The following ABCB10 variants were observed in gnomAD, a reference collection of about 807,000 sequenced individuals.
ABCB10 encodes ATP binding cassette subfamily B member 10.
Under a neutral mutation model 65.4 loss-of-function variants are expected in ABCB10, and 54 were observed. The observed-to-expected ratio is 0.83, with a 90% CI of 0.66 to 1.04. The LOEUF is 1.04. Ranked by LOEUF, ABCB10 falls within the 50% of genes least tolerant of loss-of-function variation. The pLI, the probability that ABCB10 is intolerant of heterozygous loss-of-function variation, is 0.00. For synonymous variants in ABCB10, 418 were observed against 406.5 expected (o/e 1.03, Z -0.34); for missense variants, 846 against 976.6 (o/e 0.87, Z 1.78).
chr1:229,532,205 G>A (rs1328520883), intron 6 of ABCB10, among the ~76,000 whole-genome samples: 1 of 152,112 alleles, frequency 6.6e-6, no homozygotes, highest in African/African-American at 2.4e-5. Context: ...ACCCGCCTCA[G>A]CCTCCCAAAG....
At chr1:229,521,161 A>G (rs111501485) in intron 11 of ABCB10, among the ~76,000 whole-genome samples, 391 of 152,298 alleles carry the variant, frequency 2.6e-3, no homozygotes, top group African/African-American at 9.0e-3. Flanking sequence ...CCCGCCTTTC[A>G]GCTAAAATGG....
chr1:229,556,200 ACT>A (rs1379666621), intron 1 of ABCB10, among the ~76,000 whole-genome samples: 1 of 152,000 alleles, frequency 6.6e-6, no homozygotes, highest in African/African-American at 2.4e-5. Context: ...ACATGGAGAA[ACT>A]CTGTCTCCAA....
At position 229,541,288 on chromosome 1, in the gene ABCB10, G is replaced by A. The variant is rs539703559; in HGVS notation, c.1057-536C>T. Among the ~76,000 whole-genome samples, 7 of 152,140 alleles carry A rather than the reference G, an allele frequency of 4.6e-5. No homozygotes were observed. The South Asian group carries it at 1.0e-3, about 23-fold the overall frequency. On this transcript the variant is annotated intron_variant, in intron 4 of 12. Coordinates refer to ENST00000344517, the MANE Select transcript of ABCB10 (RefSeq NM_012089.3). ...GTCACCCAGGCTGGAGTGCAATGGC[G>A]CAATCTCGGCTTACTGCAACCTCCA...
intron 1 of ABCB10, among the ~76,000 whole-genome samples, chr1:229,555,123 C>G (rs1663214720): frequency 6.6e-6 from 1 of 152,168 alleles, no homozygotes. Context: ...ATGCTGCCCA[C>G]CCCGCCGAAG....
rs905886773 is a variant in ABCB10, at chr1:229,517,662, T to C, written c.*517A>G. 3.3e-5 allele frequency: 5 copies of C among 153,680 alleles called. No individual in the cohort carries two copies. The highest frequency in any genetic ancestry group is 9.6e-5 in the African/African-American group (4 of 41,468). The allele number at this position is 153,680 out of a possible 1,614,324, so 9.5% of individuals were successfully genotyped here. A position where few individuals can be genotyped will look rare whatever the true frequency, so the allele number is the denominator to read the frequency against. ...TAAATGTTCCCTTCTTTCCAGCTGA[T>C]GTTAAATAGTTAGGTTTGCTTCATG... On this transcript the variant is annotated 3_prime_UTR_variant, in exon 13 of 13. Transcript: ENST00000344517.
chr1:229,530,791 C>A (rs1303085892), intron 7 of ABCB10, among the ~76,000 whole-genome samples: 3 of 152,200 alleles, frequency 2.0e-5, no homozygotes. Context: ...TCTCTCTATG[C>A]CACTGCCTCT....
intron 4 of ABCB10, among the ~76,000 whole-genome samples, chr1:229,541,572 A>G (rs1158389859): frequency 6.6e-6 from 1 of 152,174 alleles, no homozygotes; most frequent in East Asian, 1.9e-4. Flanking sequence ...CTGCAAAGCT[A>G]GATTTATTAA....
intron 9 of ABCB10, 83 bp from the exon 10 acceptor site, chr1:229,526,199 T>A (rs1558119629): frequency 2.2e-6 from 3 of 1,371,466 alleles, no homozygotes; most frequent in African/African-American, 2.9e-5. Context: ...CAGTCTTTTT[T>A]AAAATTTATG....
At chr1:229,540,317 C>A (rs904203950) in intron 5 of ABCB10, among the ~76,000 whole-genome samples, 1 of 152,170 alleles carries the variant, frequency 6.6e-6, no homozygotes, top group Non-Finnish European at 1.5e-5. Context: ...TGGGGTGGAG[C>A]TGAGTCTTGG....
At position 229,534,453 on chromosome 1, in the gene ABCB10, C is replaced by T. The variant is rs111492803; in HGVS notation, c.1340-2722G>A. ...AAAAATTGCCAATGCTGGCCGGGTG[C>T]GGTGGCTCACACCTGTAATCCCAGC... On this transcript the variant is annotated intron_variant, in intron 6 of 12. Coordinates refer to ENST00000344517, the MANE Select transcript of ABCB10 (RefSeq NM_012089.3). Among the ~76,000 whole-genome samples the T allele has an allele frequency of 9.0e-3, 1,376 of 152,074 alleles. 21 individuals are homozygous for T. Among genetic ancestry groups the T allele is most frequent in the African/African-American group, 0.031 (1,296 of 41,476 alleles).
chr1:229,543,291 A>G (rs570360068), intron 3 of ABCB10, among the ~76,000 whole-genome samples: 68 of 152,324 alleles, frequency 4.5e-4, no homozygotes, highest in South Asian at 8.3e-4. Flanking sequence ...GCTTCTAGCA[A>G]TTGGAATTGC....
chr1:229,558,645 C>G lies in ABCB10; in HGVS notation c.8G>C (p.Gly3Ala). ...CAGCCGCAGCGGCCAGGCAGGGGGG[C>G]CTCGCATGGCGCTGCGTGCGACCCG... MR[G>A]PPAWPLRLLE... The change falls in exon 1 of 13, where the codon GGC (glycine) becomes GCC (alanine). Residue 3 changes from glycine (G) to alanine (A), a missense_variant. Physicochemically the swap from Gly to Ala is moderately conservative, Grantham distance 60. Around this residue, in one of 2 missense-constraint regions of ABCB10, gnomAD observed 214 missense variants for 173.5 expected, o/e 1.23. Transcript: ENST00000344517. The G allele has an allele frequency of 1.5e-6, 2 of 1,360,038 alleles. No homozygotes were observed. The highest frequency in any genetic ancestry group is 9.4e-7 in the Non-Finnish European group (1 of 1,058,416). 84.2% of individuals were successfully genotyped at this position (1,360,038 alleles called of 1,614,324 possible). A position where few individuals can be genotyped will look rare whatever the true frequency, so the allele number is the denominator to read the frequency against.
intron 2 of ABCB10, 79 bp from the exon 3 acceptor site, chr1:229,547,780 C>T: frequency 7.0e-7 from 1 of 1,432,784 alleles, no homozygotes. Context: ...TACTGTGCAG[C>T]AGCTTGGCCT....
In ABCB10 at chr1:229,545,809, CCT is replaced by C. The variant is rs1464762951; in HGVS notation, c.921+1688_921+1689del. On this transcript the variant is annotated intron_variant, in intron 3 of 12. Coordinates refer to ENST00000344517, the MANE Select transcript of ABCB10 (RefSeq NM_012089.3). ...TAGATTTTCTTCCATCTCTGCCACCCCTGAGACAGCAAGAACAACCTTTCTTC... is the reference window on the plus strand; with the variant it reads ...TAGATTTTCTTCCATCTCTGCCACCCGAGACAGCAAGAACAACCTTTCTTC... Among the ~76,000 whole-genome samples, 6 of 152,268 alleles carry C rather than the reference CCT, an allele frequency of 3.9e-5. No homozygotes were observed. The East Asian group carries it at 5.8e-4, about 15-fold the overall frequency.
At chr1:229,544,701 C>T (rs1662928579) in intron 3 of ABCB10, among the ~76,000 whole-genome samples, 1 of 152,146 alleles carries the variant, frequency 6.6e-6, no homozygotes, top group Non-Finnish European at 1.5e-5. Context: ...CCTTAATCCC[C>T]ACCATGGCTG....
intron 7 of ABCB10, 63 bp downstream of exon 7, chr1:229,531,573 G>A (rs993732267): frequency 6.7e-7 from 1 of 1,491,930 alleles, no homozygotes; most frequent in South Asian, 1.1e-5. Context: ...CAGGGGAAGA[G>A]CTGGTCTCAT....
chr1:229,550,065 C>T (rs1371534101), intron 1 of ABCB10: 1 of 152,278 alleles, frequency 6.6e-6, no homozygotes, highest in African/African-American at 2.4e-5. Flanking sequence ...TTTGGAAAAC[C>T]GTTTCACGGA....
At chr1:229,549,075 C>T (rs892568360) in intron 2 of ABCB10, among the ~76,000 whole-genome samples, 159 bp downstream of exon 2, 3 of 152,182 alleles carry the variant, frequency 2.0e-5, no homozygotes, top group African/African-American at 7.2e-5. Flanking sequence ...GTAACTCCAA[C>T]ATCTGGGCAG....
chr1:229,521,909 C>T (rs1358401461), intron 10 of ABCB10, among the ~76,000 whole-genome samples: 1 of 152,212 alleles, frequency 6.6e-6, no homozygotes, highest in Non-Finnish European at 1.5e-5. Flanking sequence ...CTCTGTCACC[C>T]ATGCTGGAGT....
Sources: allele counts gnomAD v4.1 joint callset (sites outside exome capture counted in the v4.1 genomes callset), GRCh38; gene constraint gnomAD v4.1.1; regional missense constraint gnomAD v4.1.1; transcripts MANE v1.5; gene names NCBI Gene and HGNC (gene_info 2026-07-23, HGNC 2026-07-21).